The following EPHA3 variants were observed in gnomAD, a reference collection of about 807,000 sequenced individuals.
The protein encoded by EPHA3 is EPH receptor A3.
A neutral mutation model predicts 107.1 loss-of-function variants in EPHA3; 42 were observed. That is an observed-to-expected ratio of 0.39 (90% CI 0.31 to 0.51). EPHA3 has a LOEUF of 0.51. EPHA3 is among the 20% of genes least tolerant of loss of function. EPHA3 has a pLI of 0.78. For missense variants in EPHA3, 1,183 were observed against 1,211.2 expected (o/e 0.98, Z 0.35); for synonymous variants, 461 against 424.8 (o/e 1.09, Z -1.05).
rs181560246 is a variant in EPHA3 at position 89,410,465 on chromosome 3, G to A, written c.1762+2334G>A. ...TAATCTTTGTAAATTCTGATGGCAG[G>A]AAATCTCCCCCACGTTAATTTCCTT... On this transcript the variant is annotated intron_variant, in intron 9 of 16. Transcript: ENST00000336596. Among the ~76,000 whole-genome samples, 183 of 151,984 alleles carry A rather than the reference G, an allele frequency of 1.2e-3. 1 individual carries two copies. Among genetic ancestry groups the A allele is most frequent in the Non-Finnish European group, 3.1e-4 (21 of 67,912 alleles).
At position 89,451,842 on chromosome 3, in the gene EPHA3, A is replaced by G. The variant is rs1709997295; in HGVS notation, c.2690+1472A>G. Among the ~76,000 whole-genome samples the G allele has an allele frequency of 2.0e-5, 3 of 151,302 alleles. No individual in the cohort carries two copies. The South Asian group carries it at 6.3e-4, about 32-fold the overall frequency. Reference sequence around the variant, plus strand: ...GTTCAATGCATGGGAAATTCCTTGCATTTTGTCTTAAGTTATCTGTTTGAA... The same window carrying G: ...GTTCAATGCATGGGAAATTCCTTGCGTTTTGTCTTAAGTTATCTGTTTGAA... On this transcript the variant is annotated intron_variant, in intron 15 of 16. Coordinates refer to ENST00000336596, the MANE Select transcript of EPHA3 (RefSeq NM_005233.6).
At chr3:89,437,293 C>T (rs1450600832) in intron 13 of EPHA3, among the ~76,000 whole-genome samples, 1 of 152,012 alleles carries the variant, frequency 6.6e-6, no homozygotes, top group African/African-American at 2.4e-5. Flanking sequence ...AAAGAAGTAG[C>T]TTTGAAAGCA....
intron 2 of EPHA3, among the ~76,000 whole-genome samples, chr3:89,175,743 T>C (rs1705307811): frequency 6.6e-6 from 1 of 152,176 alleles, no homozygotes; most frequent in Non-Finnish European, 1.5e-5. Flanking sequence ...GGTTGTCATC[T>C]AAAATTTTCC....
chr3:89,235,273 G>T (rs1576253159), intron 3 of EPHA3, among the ~76,000 whole-genome samples: 1 of 151,830 alleles, frequency 6.6e-6, no homozygotes, highest in Non-Finnish European at 1.5e-5. Flanking sequence ...TAGATTTGTA[G>T]ATTTTAAAAA....
chr3:89,243,210 A>G (rs1233899085), intron 3 of EPHA3, among the ~76,000 whole-genome samples: 1 of 152,090 alleles, frequency 6.6e-6, no homozygotes, highest in Non-Finnish European at 1.5e-5. Flanking sequence ...TGCCGCGATA[A>G]ACATATGTGT....
intron 3 of EPHA3, among the ~76,000 whole-genome samples, chr3:89,335,996 C>T (rs754836283): frequency 1.3e-5 from 2 of 152,156 alleles, no homozygotes; most frequent in South Asian, 4.1e-4. Flanking sequence ...TACAGACAAC[C>T]TTGACTGTAT....
intron 3 of EPHA3, among the ~76,000 whole-genome samples, chr3:89,310,646 G>A (rs1319150488): frequency 2.6e-5 from 4 of 151,666 alleles, no homozygotes; most frequent in Admixed American, 6.6e-5. Flanking sequence ...TATATACCAT[G>A]CAATTTAATA....
intron 3 of EPHA3, among the ~76,000 whole-genome samples, chr3:89,226,187 C>T (rs781780435): frequency 4.6e-5 from 7 of 152,090 alleles, no homozygotes; most frequent in Non-Finnish European, 1.0e-4. Flanking sequence ...CCCTTATTTG[C>T]TATGGGACTG....
intron 9 of EPHA3, among the ~76,000 whole-genome samples, chr3:89,411,979 G>A (rs1240639372): frequency 2.6e-5 from 4 of 151,808 alleles, no homozygotes; most frequent in Admixed American, 2.6e-4. Context: ...CATATTCTGT[G>A]CTAAAACACA....
chr3:89,114,679 T>C (rs1207050187), intron 1 of EPHA3, among the ~76,000 whole-genome samples: 2 of 152,040 alleles, frequency 1.3e-5, no homozygotes, highest in Non-Finnish European at 1.5e-5. Flanking sequence ...GGGCGGACGG[T>C]GTAGACTCTG....
intron 1 of EPHA3, among the ~76,000 whole-genome samples, chr3:89,122,078 A>G (rs949296231): frequency 2.6e-5 from 4 of 152,190 alleles, no homozygotes; most frequent in Non-Finnish European, 5.9e-5. Flanking sequence ...CATTTTCTTC[A>G]ATTTGTGACA....
intron 5 of EPHA3, among the ~76,000 whole-genome samples, chr3:89,350,133 C>T (rs1212201080): frequency 1.3e-5 from 2 of 150,848 alleles, no homozygotes; most frequent in African/African-American, 2.4e-5. Flanking sequence ...TTGTGGCATT[C>T]TCTGTATTTC....
chr3:89,166,322 C>T (rs895815596), intron 2 of EPHA3, among the ~76,000 whole-genome samples: 4 of 152,232 alleles, frequency 2.6e-5, no homozygotes, highest in Admixed American at 2.0e-4. Flanking sequence ...GTGGGCAAGA[C>T]CAAAATATGC....
chr3:89,315,185 T>C (rs1040643627), intron 3 of EPHA3, among the ~76,000 whole-genome samples: 1 of 151,914 alleles, frequency 6.6e-6, no homozygotes, highest in Non-Finnish European at 1.5e-5. Context: ...ATATATGTCA[T>C]ATATATTTTT....
chr3:89,224,961 T>G (rs140714059), intron 3 of EPHA3, among the ~76,000 whole-genome samples: 1,671 of 152,234 alleles, frequency 0.011, 20 homozygotes, highest in Non-Finnish European at 0.017. Flanking sequence ...AAAGAGTGGC[T>G]GTGATTAGTG....
At chr3:89,459,916 C>T (rs570586417) in intron 15 of EPHA3, among the ~76,000 whole-genome samples, 1 of 152,228 alleles carries the variant, frequency 6.6e-6, no homozygotes, top group South Asian at 2.1e-4. Flanking sequence ...TCTTTAACTT[C>T]CCAACACATT....
At chr3:89,270,828 A>C (rs1394813424) in intron 3 of EPHA3, among the ~76,000 whole-genome samples, 1 of 152,026 alleles carries the variant, frequency 6.6e-6, no homozygotes, top group Non-Finnish European at 1.5e-5. Context: ...CTCAAGCTAC[A>C]TATAAAGTAA....
intron 5 of EPHA3, among the ~76,000 whole-genome samples, chr3:89,378,743 A>G (rs1380755995): frequency 6.6e-6 from 1 of 152,186 alleles, no homozygotes; most frequent in Non-Finnish European, 1.5e-5. Context: ...GAAAGAAACA[A>G]GTATTGCTGT....
intron 3 of EPHA3, among the ~76,000 whole-genome samples, chr3:89,319,326 C>G (rs564500410): frequency 1.3e-5 from 2 of 151,904 alleles, no homozygotes; most frequent in African/African-American, 2.4e-5. Flanking sequence ...CACATGTATG[C>G]ATGTATGTAT....
Sources: allele counts gnomAD v4.1 joint callset (sites outside exome capture counted in the v4.1 genomes callset), GRCh38; gene constraint gnomAD v4.1.1; transcripts MANE v1.5; gene names NCBI Gene and HGNC (gene_info 2026-07-23, HGNC 2026-07-21).